The following ITGA9 variants were observed in gnomAD, a reference collection of about 807,000 sequenced individuals.
The protein encoded by ITGA9 is integrin alpha-9.
A neutral mutation model predicts 127.8 loss-of-function variants in ITGA9; 56 were observed. That is an observed-to-expected ratio of 0.44 (90% CI 0.35 to 0.55). The LOEUF is 0.55. Among genes scored for constraint, ITGA9 ranks in the 20% least tolerant of loss-of-function variants. The pLI is 0.00. For missense variants in ITGA9, 1,196 were observed against 1,347.1 expected (o/e 0.89, Z 1.76); for synonymous variants, 508 against 514.5 (o/e 0.99, Z 0.17).
At chr3:37,655,619 A>G (rs1332461311) in intron 17 of ITGA9, among the ~76,000 whole-genome samples, 5 of 152,172 alleles carry the variant, frequency 3.3e-5, no homozygotes, top group Non-Finnish European at 7.4e-5. Flanking sequence ...ATAGATTGCA[A>G]AAATTTTCTC....
chr3:37,624,306 C>T (rs775405531), intron 15 of ITGA9, among the ~76,000 whole-genome samples: 8 of 139,576 alleles, frequency 5.7e-5, no homozygotes, highest in Non-Finnish European at 6.0e-5. Context: ...CAGCTTTCTT[C>T]GGGTCATAGA....
At chr3:37,605,629 C>T (rs772446095) in intron 15 of ITGA9, among the ~76,000 whole-genome samples, 1 of 152,050 alleles carries the variant, frequency 6.6e-6, no homozygotes, top group African/African-American at 2.4e-5. Flanking sequence ...AATAAGTATT[C>T]GTAAAGTCCT....
At chr3:37,748,510 G>A in intron 22 of ITGA9, 1 of 498,440 alleles carries the variant, frequency 2.0e-6, no homozygotes, top group Admixed American at 2.7e-5. Context: ...CACTTTGGGA[G>A]GCCGAGGCAG....
intron 18 of ITGA9, 24 bp from the exon 19 acceptor site, chr3:37,732,688 A>G (rs1372515549): frequency 1.3e-6 from 2 of 1,584,896 alleles, no homozygotes; most frequent in East Asian, 2.3e-5. Flanking sequence ...CAGCCGGCCC[A>G]TCTGTTGGTG....
intron 14 of ITGA9, among the ~76,000 whole-genome samples, chr3:37,536,451 A>G (rs1056282622): frequency 1.3e-5 from 2 of 152,250 alleles, no homozygotes; most frequent in African/African-American, 2.4e-5. Context: ...CAGAAGTGGT[A>G]TCTTCTGTGG....
At chr3:37,812,116 C>G (rs1697375488) in intron 27 of ITGA9, among the ~76,000 whole-genome samples, 1 of 152,146 alleles carries the variant, frequency 6.6e-6, no homozygotes, top group Admixed American at 6.5e-5. Context: ...CAGACACATG[C>G]CCATGTGCTT....
chr3:37,533,964 A>C (rs746127733), intron 14 of ITGA9, among the ~76,000 whole-genome samples: 2 of 152,198 alleles, frequency 1.3e-5, no homozygotes, highest in Non-Finnish European at 2.9e-5. Flanking sequence ...TAGGTTTCTA[A>C]AAGAGGGGTG....
chr3:37,604,102 A>G (rs531921585), intron 15 of ITGA9, among the ~76,000 whole-genome samples: 1 of 152,334 alleles, frequency 6.6e-6, no homozygotes, highest in East Asian at 1.9e-4. Context: ...GTAAGACATC[A>G]TCAAGGTTCC....
intron 27 of ITGA9, among the ~76,000 whole-genome samples, chr3:37,810,638 G>A (rs1334220097): frequency 1.3e-5 from 2 of 151,874 alleles, no homozygotes; most frequent in African/African-American, 4.8e-5. Context: ...CTAGTCTTGA[G>A]CTCCTGGCCT....
At chr3:37,619,671 T>C (rs190703029) in intron 15 of ITGA9, among the ~76,000 whole-genome samples, 2 of 152,304 alleles carry the variant, frequency 1.3e-5, no homozygotes, top group Non-Finnish European at 2.9e-5. Context: ...TTTTTGTCAG[T>C]TAGGAGTCTG....
At chr3:37,547,348 A>T (rs1277699871) in intron 15 of ITGA9, among the ~76,000 whole-genome samples, 1 of 152,152 alleles carries the variant, frequency 6.6e-6, no homozygotes, top group Non-Finnish European at 1.5e-5. Context: ...TTGTGGGCAG[A>T]TGCTCATCCT....
At chr3:37,562,399 G>A (rs570482838) in intron 15 of ITGA9, among the ~76,000 whole-genome samples, 2 of 152,212 alleles carry the variant, frequency 1.3e-5, no homozygotes, top group South Asian at 2.1e-4. Context: ...TGAATTATCC[G>A]TATTCTTTGG....
chr3:37,649,566 A>G (rs1205659418), intron 16 of ITGA9, among the ~76,000 whole-genome samples: 1 of 152,252 alleles, frequency 6.6e-6, no homozygotes, highest in Admixed American at 6.5e-5. Flanking sequence ...ACCTAAGTAT[A>G]TACAACACTG....
intron 3 of ITGA9, among the ~76,000 whole-genome samples, chr3:37,474,043 G>T (rs573800146): frequency 6.6e-6 from 1 of 152,122 alleles, no homozygotes; most frequent in African/African-American, 2.4e-5. Context: ...CCCATTGTAC[G>T]TATCAGTAGT....
At chr3:37,818,680 G>T (rs114567172) in intron 27 of ITGA9, 1 of 605,626 alleles carries the variant, frequency 1.7e-6, no homozygotes, top group Non-Finnish European at 3.0e-6. Flanking sequence ...AACAGCTTAC[G>T]TAATATCACC....
At chr3:37,652,507 T>A (rs1425342778) in intron 16 of ITGA9, among the ~76,000 whole-genome samples, 2 of 152,186 alleles carry the variant, frequency 1.3e-5, no homozygotes, top group African/African-American at 2.4e-5. Flanking sequence ...GCTGGGACAC[T>A]TTTTTCTTTT....
intron 15 of ITGA9, among the ~76,000 whole-genome samples, chr3:37,619,743 G>A (rs370817969): frequency 2.6e-5 from 4 of 152,306 alleles, no homozygotes; most frequent in South Asian, 4.1e-4. Flanking sequence ...TCTTTTATGC[G>A]GCTTGGGGTC....
chr3:37,510,852 C>A (rs1000769381), intron 8 of ITGA9, among the ~76,000 whole-genome samples: 4 of 152,238 alleles, frequency 2.6e-5, no homozygotes, highest in African/African-American at 9.6e-5. Flanking sequence ...CTTGCCTTCA[C>A]TTCCTTCTAC....
chr3:37,602,572 T>C (rs888745426), intron 15 of ITGA9, among the ~76,000 whole-genome samples: 1 of 152,240 alleles, frequency 6.6e-6, no homozygotes, highest in African/African-American at 2.4e-5. Context: ...TTTATTTTTA[T>C]TAAATCAGAT....
Sources: allele counts gnomAD v4.1 joint callset (sites outside exome capture counted in the v4.1 genomes callset), GRCh38; gene constraint gnomAD v4.1.1; transcripts MANE v1.5; gene names NCBI Gene and HGNC (gene_info 2026-07-23, HGNC 2026-07-21).